ITFG1: variants seen among roughly 807,000 people sequenced by gnomAD.
ITFG1 encodes the protein integrin alpha FG-GAP repeat containing 1.
A neutral mutation model predicts 81.8 loss-of-function variants in ITFG1; 34 were observed. That is an observed-to-expected ratio of 0.42 (90% confidence interval 0.32 to 0.55). The LOEUF is 0.55. Among genes scored for constraint, ITFG1 ranks in the 20% least tolerant of loss-of-function variants. The probability of loss-of-function intolerance (pLI) is 0.17; values close to 1 mark genes in which losing one functional copy is unlikely to be tolerated. For synonymous variants in ITFG1, 285 were observed against 270.6 expected (o/e 1.05, Z -0.52); for missense variants, 672 against 755.4 (o/e 0.89, Z 1.29).
chr16:47,287,622 T>C (rs1325311470), intron 10 of ITFG1, among the ~76,000 whole-genome samples: 1 of 152,122 alleles, frequency 6.6e-6, no homozygotes, highest in African/African-American at 2.4e-5. Context: ...AGGCTGGTCT[T>C]GAACTCCTGG....
At chr16:47,196,193 A>G (rs1024962317) in intron 14 of ITFG1, 11 of 149,158 alleles carry the variant, frequency 7.4e-5, no homozygotes, top group African/African-American at 1.2e-4. Context: ...AATGATATGC[A>G]TAAGTGTAGT....
intron 8 of ITFG1, among the ~76,000 whole-genome samples, chr16:47,326,920 A>T (rs1967554909): frequency 6.6e-6 from 1 of 152,190 alleles, no homozygotes. Context: ...TATAGATTCA[A>T]TGCCATCCCC....
intron 12 of ITFG1, among the ~76,000 whole-genome samples, chr16:47,249,363 G>A (rs1400859331): frequency 6.6e-6 from 1 of 152,176 alleles, no homozygotes; most frequent in African/African-American, 2.4e-5. Context: ...AGGTTGTAGT[G>A]AGCCAAGATC....
Position 47,309,668 on chromosome 16 carries a change from A to C in ITFG1, c.1070+1572T>G, listed in dbSNP as rs1428514181. ...AAAAGAAATAACTGAGTTTTACACA[A>C]CTGCTTTTATAATGGTATTAAGACT... On this transcript the variant is annotated intron_variant, in intron 10 of 17. Coordinates refer to ENST00000320640, the MANE Select transcript of ITFG1 (RefSeq NM_030790.5). Among the ~76,000 whole-genome samples the C allele has an allele frequency of 2.6e-5, 4 of 152,314 alleles. No homozygotes were observed. The South Asian group carries it at 6.2e-4, about 24-fold the overall frequency.
chr16:47,195,697 A>T (rs1039858311), intron 14 of ITFG1, among the ~76,000 whole-genome samples: 1 of 152,114 alleles, frequency 6.6e-6, no homozygotes, highest in African/African-American at 2.4e-5. Context: ...TTTGTCTGAT[A>T]GCCTTTATTT....
intron 13 of ITFG1, among the ~76,000 whole-genome samples, chr16:47,230,780 G>A (rs968449616): frequency 6.6e-6 from 1 of 152,114 alleles, no homozygotes; most frequent in African/African-American, 2.4e-5. Context: ...ACGGAGTCTC[G>A]CTCTGTCGCC....
At chr16:47,246,636 C>T (rs1400623571) in intron 12 of ITFG1, among the ~76,000 whole-genome samples, 1 of 152,190 alleles carries the variant, frequency 6.6e-6, no homozygotes, top group Non-Finnish European at 1.5e-5. Flanking sequence ...GAGGCTGACT[C>T]AGACTGCGTG....
chr16:47,247,465 T>TA (rs1208143976), intron 12 of ITFG1, among the ~76,000 whole-genome samples: 3 of 152,166 alleles, frequency 2.0e-5, no homozygotes, highest in African/African-American at 7.2e-5. Context: ...TTGATAAGGG[T>TA]AAACCTCAAG....
rs183321885 is a variant in ITFG1 at position 47,428,343 on chromosome 16, T to C, written c.655+461A>G. ...GATTGGGCCATATAATTGTTGAAGC[T>C]AGGTGACGGTTAAATGTGCATATAT... On this transcript the variant is annotated intron_variant, in intron 6 of 17. Transcript: ENST00000320640. Among the ~76,000 whole-genome samples the C allele has an allele frequency of 2.0e-4, 31 of 152,324 alleles. No homozygotes were observed. The East Asian group carries it at 4.8e-3, about 24-fold the overall frequency.
In ITFG1 at chr16:47,365,849, A is replaced by T. The variant is rs1279755076; in HGVS notation, c.741T>A (p.Ser247Arg). The T allele has an allele frequency of 6.3e-7, 1 of 1,595,160 alleles. No homozygotes were observed. Among genetic ancestry groups the T allele is most frequent in the Non-Finnish European group, 8.6e-7 (1 of 1,163,562 alleles). Residue 247 changes from serine (S) to arginine (R), a missense_variant, in exon 8 of 18, where the codon AGT becomes AGA. Transcript: ENST00000320640. ...TATTTTGAGGTTTTTCCAATATAGT[A>T]CTGACAGAGAAGTTTCCATCCTGTT... is the stretch of plus-strand genomic sequence containing the variant. Reference protein sequence around the residue: ...WENLDGNFSVSTILEKPQNMM... With the variant: ...WENLDGNFSVRTILEKPQNMM...
At chr16:47,312,881 C>T (rs1009972723) in intron 9 of ITFG1, 2 of 151,944 alleles carry the variant, frequency 1.3e-5, no homozygotes, top group Non-Finnish European at 2.9e-5. Context: ...AGTAGTCTGT[C>T]GATAGGCAAT....
chr16:47,381,171 T>C (rs1968391486), intron 6 of ITFG1, among the ~76,000 whole-genome samples: 1 of 152,222 alleles, frequency 6.6e-6, no homozygotes. Context: ...TCAGGAGTTT[T>C]AGAAACTTAA....
At chr16:47,325,390 C>T (rs1278717214) in intron 8 of ITFG1, among the ~76,000 whole-genome samples, 3 of 152,152 alleles carry the variant, frequency 2.0e-5, no homozygotes, top group South Asian at 2.1e-4. Flanking sequence ...CTAAAATTGA[C>T]ACCCTAACAT....
intron 14 of ITFG1, among the ~76,000 whole-genome samples, chr16:47,191,765 T>C (rs745977086): frequency 6.6e-6 from 1 of 152,142 alleles, no homozygotes; most frequent in African/African-American, 2.4e-5. Flanking sequence ...AGAGGTCACT[T>C]TGGCCTGCCC....
chr16:47,316,910 T>C (rs1276403347), intron 8 of ITFG1, among the ~76,000 whole-genome samples: 1 of 152,226 alleles, frequency 6.6e-6, no homozygotes, highest in Non-Finnish European at 1.5e-5. Flanking sequence ...GCCTGTGAAC[T>C]TGGCACAGTA....
intron 10 of ITFG1, among the ~76,000 whole-genome samples, chr16:47,262,189 A>G (rs1471216694): frequency 6.6e-6 from 1 of 152,198 alleles, no homozygotes. Context: ...TTCCAAAACA[A>G]ATAGTTTACC....
intron 6 of ITFG1, among the ~76,000 whole-genome samples, chr16:47,402,966 C>A (rs910982802): frequency 6.6e-6 from 1 of 151,948 alleles, no homozygotes; most frequent in Admixed American, 6.6e-5. Context: ...ATATACTGCA[C>A]TATTATAATA....
chr16:47,366,854 T>C (rs1402703493), intron 7 of ITFG1, among the ~76,000 whole-genome samples: 5 of 152,220 alleles, frequency 3.3e-5, no homozygotes, highest in African/African-American at 1.2e-4. Flanking sequence ...TTATGCTCTC[T>C]CACAAGAATC....
In ITFG1 at chr16:47,444,069, G is replaced by A. The variant is rs529010804; in HGVS notation, c.560+7327C>T. On this transcript the variant is annotated intron_variant, in intron 5 of 17. Transcript: ENST00000320640. ...AAAGTCATTTTCTGCGAGAATGAGT[G>A]TGACCTTGTTTTTTATTTTCAATTC... 2.6e-5 allele frequency among the ~76,000 whole-genome samples: 4 copies of A among 152,186 alleles called. No individual in the cohort carries two copies. In the East Asian group the frequency reaches 7.7e-4, roughly 29 times the overall value.
Sources: allele counts gnomAD v4.1 joint callset (sites outside exome capture counted in the v4.1 genomes callset), GRCh38; gene constraint gnomAD v4.1.1; transcripts MANE v1.5; gene names NCBI Gene and HGNC (gene_info 2026-07-23, HGNC 2026-07-21).